Variants in IQCB1 observed in about 807,000 individuals in gnomAD.
IQCB1 encodes the protein IQ calmodulin-binding motif-containing protein 1.
IQCB1 carries 56 observed loss-of-function variants against 84.4 expected under a neutral mutation model. The observed-to-expected ratio is 0.66, with a 90% CI of 0.54 to 0.83. The LOEUF (loss-of-function observed/expected upper bound fraction) is 0.83. IQCB1 is among the 40% of genes least tolerant of loss of function. The pLI is 0.00. For missense variants in IQCB1, 629 were observed against 682.1 expected, an observed-to-expected ratio of 0.92 and a Z score of 0.87; for synonymous variants, 210 against 234.8, an observed-to-expected ratio of 0.89 and a Z score of 0.96.
At position 121,797,154 on chromosome 3, in the gene IQCB1, A is replaced by T; in HGVS notation, c.840T>A (p.Leu280=). 1 of 1,610,056 alleles carries T rather than the reference A, an allele frequency of 6.2e-7. No homozygotes were observed. Among genetic ancestry groups the T allele is most frequent in the Non-Finnish European group, 8.5e-7 (1 of 1,177,124 alleles). Reference sequence around the variant, plus strand: ...CTTCCTGATAGACCATTGGGCTTAAAAGGCCAACAAGCTGTCTAAGTTCTT... The same window carrying T: ...CTTCCTGATAGACCATTGGGCTTAATAGGCCAACAAGCTGTCTAAGTTCTT... ...FSQELRQLVG[L]LSPMVYQEVE... The change falls in exon 9 of 15, where the codon CTT becomes CTA. Residue 280 remains leucine (L), a synonymous_variant. Transcript: ENST00000310864.
chr3:121,819,178 T>C (rs1223152828), intron 5 of IQCB1, among the ~76,000 whole-genome samples: 1 of 152,164 alleles, frequency 6.6e-6, no homozygotes, highest in Non-Finnish European at 1.5e-5. Flanking sequence ...CTCACCATAA[T>C]GTAGAATCAG....
At chr3:121,778,209 T>C (rs1185604556) in intron 13 of IQCB1, among the ~76,000 whole-genome samples, 1 of 152,146 alleles carries the variant, frequency 6.6e-6, no homozygotes, top group Non-Finnish European at 1.5e-5. Flanking sequence ...GCATCTGGCT[T>C]TGCCCACTTT....
chr3:121,777,721 G>A (rs11707518), intron 13 of IQCB1, among the ~76,000 whole-genome samples: 32,397 of 152,106 alleles, frequency 0.21, 3,952 homozygotes, highest in Non-Finnish European at 0.28. Context: ...CAGTGTGTAA[G>A]TGTTCCCTTT....
At chr3:121,815,832 C>A (rs1399836918) in intron 5 of IQCB1, among the ~76,000 whole-genome samples, 1 of 151,668 alleles carries the variant, frequency 6.6e-6, no homozygotes, top group Admixed American at 6.6e-5. Context: ...GGCCATACTG[C>A]CCAAAGTAAT....
At position 121,788,741 on chromosome 3, in the gene IQCB1, A is replaced by C. The variant is rs77952081; in HGVS notation, c.1130-309T>G. The stretch of plus-strand genomic sequence containing the variant: ...AAAATTCCTAAGTACATGATTAAGA[A>C]GTCATTCAGTACCACCAGAGGGAAA... On this transcript the variant is annotated intron_variant, in intron 11 of 14. Coordinates refer to ENST00000310864, the MANE Select transcript of IQCB1 (RefSeq NM_001023570.4). 3.6e-3 allele frequency among the ~76,000 whole-genome samples: 544 copies of C among 152,218 alleles called. 4 individuals are homozygous for C. The highest frequency in any genetic ancestry group is 0.013 in the African/African-American group (521 of 41,528).
At chr3:121,828,322 T>C (rs1462757438) in intron 4 of IQCB1, 148 bp downstream of exon 4, 17 of 655,938 alleles carry the variant, frequency 2.6e-5, no homozygotes, top group Non-Finnish European at 3.8e-5. Flanking sequence ...TTATGAATAA[T>C]AACATATAAT....
chr3:121,791,023 C>A (rs1046104176), intron 10 of IQCB1, among the ~76,000 whole-genome samples: 2 of 152,082 alleles, frequency 1.3e-5, no homozygotes, highest in South Asian at 4.1e-4. Context: ...GTTTTTGTTG[C>A]TTCCAATATC....
intron 7 of IQCB1, among the ~76,000 whole-genome samples, chr3:121,805,923 T>C (rs1257865300): frequency 6.6e-6 from 1 of 152,134 alleles, no homozygotes; most frequent in Non-Finnish European, 1.5e-5. Flanking sequence ...CTGAGCTCTA[T>C]CACTTCAACT....
chr3:121,779,489 AT>A (rs796977500), intron 13 of IQCB1, among the ~76,000 whole-genome samples: 5 of 151,244 alleles, frequency 3.3e-5, no homozygotes, highest in Admixed American at 6.6e-5. Flanking sequence ...TGATTCAGGT[AT>A]TTTTTTTTAC....
chr3:121,801,471 C>G (rs1291062089), intron 7 of IQCB1, among the ~76,000 whole-genome samples: 2 of 152,042 alleles, frequency 1.3e-5, no homozygotes, highest in African/African-American at 4.8e-5. Flanking sequence ...AGTCTAATCA[C>G]CCAATACAGA....
chr3:121,833,350 C>T (rs955891959), intron 2 of IQCB1, among the ~76,000 whole-genome samples: 2 of 152,198 alleles, frequency 1.3e-5, no homozygotes, highest in Non-Finnish European at 2.9e-5. Flanking sequence ...AGTAAATGCA[C>T]AAACCTCAGG....
At chr3:121,823,249 T>C (rs1165006921) in intron 5 of IQCB1, among the ~76,000 whole-genome samples, 1 of 151,162 alleles carries the variant, frequency 6.6e-6, no homozygotes, top group Non-Finnish European at 1.5e-5. Context: ...AGTCCCAGAG[T>C]GAAGGTAGAG....
At chr3:121,820,754 T>C (rs1291765105) in intron 5 of IQCB1, among the ~76,000 whole-genome samples, 1 of 152,104 alleles carries the variant, frequency 6.6e-6, no homozygotes, top group Non-Finnish European at 1.5e-5. Flanking sequence ...TGTCTGATAG[T>C]ACACCTTTTA....
intron 5 of IQCB1, among the ~76,000 whole-genome samples, chr3:121,823,673 A>T (rs1476564593): frequency 6.6e-6 from 1 of 152,242 alleles, no homozygotes; most frequent in African/African-American, 2.4e-5. Context: ...AAAAGCTGAG[A>T]GAATTCATTA....
chr3:121,770,711 C>G (rs1947943362), intron 14 of IQCB1, 137 bp from the exon 15 acceptor site: 1 of 759,478 alleles, frequency 1.3e-6, no homozygotes, highest in Non-Finnish European at 2.3e-6. Flanking sequence ...GAGAAAGGGT[C>G]TTGCTCTATT....
At chr3:121,774,196 A>T (rs1948126655) in intron 13 of IQCB1, among the ~76,000 whole-genome samples, 1 of 152,190 alleles carries the variant, frequency 6.6e-6, no homozygotes, top group South Asian at 2.1e-4. Context: ...CAAAATCACT[A>T]ATTAGGAAAG....
intron 5 of IQCB1, among the ~76,000 whole-genome samples, chr3:121,825,303 G>A (rs1308010091): frequency 6.6e-6 from 1 of 151,880 alleles, no homozygotes; most frequent in Non-Finnish European, 1.5e-5. Context: ...CAGGTGATCC[G>A]CCCGCCTCGG....
At chr3:121,815,781 A>G (rs889637607) in intron 5 of IQCB1, among the ~76,000 whole-genome samples, 1 of 149,296 alleles carries the variant, frequency 6.7e-6, no homozygotes, top group African/African-American at 2.5e-5. Flanking sequence ...TGGAAAAAAA[A>G]TTCCATGCTT....
intron 5 of IQCB1, among the ~76,000 whole-genome samples, chr3:121,810,260 C>T (rs1033986136): frequency 6.6e-6 from 1 of 152,110 alleles, no homozygotes; most frequent in Non-Finnish European, 1.5e-5. Flanking sequence ...GTATGTCCCA[C>T]CATATGATCT....
Sources: gnomAD v4.1 joint callset for allele counts (sites outside exome capture counted in the v4.1 genomes callset) on GRCh38, gnomAD v4.1.1 for gene constraint, MANE v1.5 for transcripts, NCBI Gene and HGNC (gene_info 2026-07-23, HGNC 2026-07-21) for gene names.